Variants in CELF4 observed in about 807,000 individuals in gnomAD.
The protein encoded by CELF4 is CUGBP Elav-like family member 4, also known as CUG-BP- and ETR-3-like factor 4.
Under a neutral mutation model 59.9 loss-of-function variants are expected in CELF4, and 18 were observed. The observed-to-expected ratio is 0.30, with a 90% CI of 0.21 to 0.45. The LOEUF (loss-of-function observed/expected upper bound fraction) is 0.45, where lower values mean the gene tolerates loss of function less well. Among genes scored for constraint, CELF4 ranks in the 20% least tolerant of loss-of-function variants. The probability of loss-of-function intolerance (pLI) is 1.00; values close to 1 mark genes in which losing one functional copy is unlikely to be tolerated. For synonymous variants in CELF4, 261 were observed against 267.1 expected (o/e 0.98, Z 0.22); for missense variants, 456 against 689.0 (o/e 0.66, Z 3.79).
chr18:37,458,250 G>A (rs2099784107), intron 2 of CELF4, among the ~76,000 whole-genome samples: 1 of 152,174 alleles, frequency 6.6e-6, no homozygotes, highest in Admixed American at 6.5e-5. Flanking sequence ...CTGCAGATGT[G>A]AGTATCTGCT....
chr18:37,527,037 G>T (rs779176435), intron 1 of CELF4, among the ~76,000 whole-genome samples: 1 of 152,030 alleles, frequency 6.6e-6, no homozygotes, highest in Admixed American at 6.6e-5. Context: ...ATTTATTTAC[G>T]TAAGCCCCAA....
At chr18:37,268,418 C>T (rs1455072300) in intron 8 of CELF4, among the ~76,000 whole-genome samples, 1 of 152,202 alleles carries the variant, frequency 6.6e-6, no homozygotes, top group Non-Finnish European at 1.5e-5. Context: ...TTGGTCTTTC[C>T]AGCTATTCAT....
chr18:37,485,592 G>A lies in CELF4; in HGVS notation c.302C>T (p.Thr101Ile). 6.9e-7 allele frequency: 1 copy of A among 1,455,604 alleles called. No homozygotes were observed. The highest frequency in any genetic ancestry group is 1.4e-5 in the South Asian group (1 of 69,130). The allele number at this position is 1,455,604 out of a possible 1,614,324, so 90.2% of individuals were successfully genotyped here. A position where few individuals can be genotyped will look rare whatever the true frequency, so the allele number is the denominator to read the frequency against. The change falls in exon 2 of 13, where the codon ACC (threonine) becomes ATC (isoleucine). Residue 101 changes from threonine (T) to isoleucine (I), a missense_variant. Transcript: ENST00000420428. Reference sequence around the variant, plus strand: ...CAGCGCTGACTCACGCTCGCAGTAGGTGAGGAAGGCGCAGCCTGGGGAGGA... The same window carrying A: ...CAGCGCTGACTCACGCTCGCAGTAGATGAGGAAGGCGCAGCCTGGGGAGGA... ...TGMHKGCAFL[T>I]YCERESALKA...
At chr18:37,470,881 T>TGAGAGAGAGAGAGAGA (rs1569569555) in intron 2 of CELF4, among the ~76,000 whole-genome samples, 1 of 80,884 alleles carries the variant, frequency 1.2e-5, no homozygotes, top group Non-Finnish European at 2.6e-5. Flanking sequence ...TGTGTGTGTG[T>TGAGAGAGAGAGAGAGA]GTGTGTGACA....
At chr18:37,375,212 C>A (rs1053265739) in intron 2 of CELF4, among the ~76,000 whole-genome samples, 13 of 152,170 alleles carry the variant, frequency 8.5e-5, no homozygotes, top group African/African-American at 3.1e-4. Context: ...TATACAGATA[C>A]CTGCCATAAA....
chr18:37,380,874 C>T (rs866359422), intron 2 of CELF4, among the ~76,000 whole-genome samples: 23 of 151,300 alleles, frequency 1.5e-4, no homozygotes, highest in Admixed American at 1.3e-3. Context: ...ATCCATCTAT[C>T]AATCAATCCA....
At chr18:37,301,463 C>T (rs919617190) in intron 3 of CELF4, among the ~76,000 whole-genome samples, 13 of 152,166 alleles carry the variant, frequency 8.5e-5, no homozygotes, top group African/African-American at 2.9e-4. Context: ...AGTAGCCCTC[C>T]CCCAGCAGGA....
chr18:37,435,961 G>T (rs1378276693), intron 2 of CELF4, among the ~76,000 whole-genome samples: 1 of 152,132 alleles, frequency 6.6e-6, no homozygotes, highest in African/African-American at 2.4e-5. Flanking sequence ...ATTGGAGCAG[G>T]TGGTGGGCAC....
At chr18:37,556,606 G>A (rs2099984891) in intron 1 of CELF4, among the ~76,000 whole-genome samples, 1 of 152,176 alleles carries the variant, frequency 6.6e-6, no homozygotes, top group South Asian at 2.1e-4. Context: ...TACCTGCATG[G>A]AAGGTGGTGT....
At chr18:37,386,344 G>A (rs1182819817) in intron 2 of CELF4, among the ~76,000 whole-genome samples, 3 of 152,222 alleles carry the variant, frequency 2.0e-5, no homozygotes, top group Non-Finnish European at 4.4e-5. Context: ...AAGTAAGGAG[G>A]AAATAAGGTG....
At chr18:37,496,429 C>G (rs2099925274) in intron 1 of CELF4, among the ~76,000 whole-genome samples, 1 of 152,206 alleles carries the variant, frequency 6.6e-6, no homozygotes, top group African/African-American at 2.4e-5. Context: ...TGGTGGCACT[C>G]AGGACCTGCC....
At chr18:37,281,378 A>G (rs2094122138) in intron 3 of CELF4, among the ~76,000 whole-genome samples, 1 of 152,248 alleles carries the variant, frequency 6.6e-6, no homozygotes, top group South Asian at 2.1e-4. Flanking sequence ...TTTCTTGCTT[A>G]AGGATAGACG....
chr18:37,243,967 C>A lies in CELF4; in HGVS notation c.*1275G>T. ...GACCGTTCCCGACCGACGGCGTGGC[C>A]TCCACCGGCGTCGGCAGCCAGGCGC... On this transcript the variant is annotated 3_prime_UTR_variant, in exon 13 of 13. Coordinates refer to ENST00000420428, the MANE Select transcript of CELF4 (RefSeq NM_020180.4). 5.8e-6 allele frequency: 1 copy of A among 171,688 alleles called. No individual in the cohort carries two copies. Among genetic ancestry groups the A allele is most frequent in the Non-Finnish European group, 1.3e-5 (1 of 79,730 alleles). 10.6% of individuals were successfully genotyped at this position (171,688 alleles called of 1,614,324 possible).
intron 10 of CELF4, among the ~76,000 whole-genome samples, chr18:37,261,398 G>A (rs1055390471): frequency 6.6e-5 from 10 of 152,150 alleles, no homozygotes; most frequent in Non-Finnish European, 1.0e-4. Context: ...TAGAGATAAG[G>A]AGCCTTCACA....
intron 2 of CELF4, among the ~76,000 whole-genome samples, chr18:37,412,220 C>T (rs558411648): frequency 1.3e-5 from 2 of 152,342 alleles, no homozygotes; most frequent in Admixed American, 1.3e-4. Context: ...TGTTGCAGAA[C>T]TTCCAGCCCA....
At chr18:37,489,698 T>C (rs912976671) in intron 1 of CELF4, among the ~76,000 whole-genome samples, 1 of 152,192 alleles carries the variant, frequency 6.6e-6, no homozygotes, top group Non-Finnish European at 1.5e-5. Flanking sequence ...CCCAGAGACA[T>C]CCCTGGCGGG....
At chr18:37,433,212 A>G (rs1194688822) in intron 2 of CELF4, among the ~76,000 whole-genome samples, 1 of 152,156 alleles carries the variant, frequency 6.6e-6, no homozygotes, top group Non-Finnish European at 1.5e-5. Flanking sequence ...TGAGAGCCAG[A>G]AAGCACTTAT....
chr18:37,550,506 A>G (rs1330755654), intron 1 of CELF4, among the ~76,000 whole-genome samples: 2 of 152,162 alleles, frequency 1.3e-5, no homozygotes, highest in Non-Finnish European at 2.9e-5. Context: ...ACTTTCCCAG[A>G]GTTGGTGCTC....
intron 3 of CELF4, among the ~76,000 whole-genome samples, chr18:37,301,082 A>G (rs1175932926): frequency 1.3e-5 from 2 of 152,180 alleles, no homozygotes; most frequent in African/African-American, 2.4e-5. Flanking sequence ...GGAGGCAGGC[A>G]GATAGAAAGG....
Sources: allele counts gnomAD v4.1 joint callset (sites outside exome capture counted in the v4.1 genomes callset), GRCh38; gene constraint gnomAD v4.1.1; transcripts MANE v1.5; gene names NCBI Gene and HGNC (gene_info 2026-07-23, HGNC 2026-07-21).